Variants in GPSM1 observed in about 807,000 individuals in gnomAD.
GPSM1 encodes G protein-signaling modulator 1.
In GPSM1, 48 loss-of-function variants were observed where a neutral mutation model predicts 70.5. The ratio of observed to expected loss-of-function variants is 0.68; its 90% CI spans 0.54 to 0.87. The LOEUF (loss-of-function observed/expected upper bound fraction) is 0.87. Ranked by LOEUF, GPSM1 falls within the 40% of genes least tolerant of loss-of-function variation. The pLI is 0.00. For missense variants in GPSM1, 981 were observed against 972.6 expected (o/e 1.01, Z -0.11); for synonymous variants, 416 against 430.1 (o/e 0.97, Z 0.41).
intron 9 of GPSM1, among the ~76,000 whole-genome samples, chr9:136,346,357 C>T (rs868964917): frequency 2.7e-5 from 4 of 149,138 alleles, no homozygotes; most frequent in Non-Finnish European, 4.5e-5. Context: ...TCCCTCTGCT[C>T]CTGTCCCCTT....
chr9:136,329,093 CT>C (rs1832044852), intron 1 of GPSM1, among the ~76,000 whole-genome samples: 1 of 152,178 alleles, frequency 6.6e-6, no homozygotes, highest in Non-Finnish European at 1.5e-5. Context: ...CAGGCTACAG[CT>C]AGAAGCCTGG....
intron 11 of GPSM1, among the ~76,000 whole-genome samples, chr9:136,352,019 T>TG (rs1341465798): frequency 2.6e-5 from 4 of 151,868 alleles, no homozygotes; most frequent in Admixed American, 1.3e-4. Context: ...AGCTCTCAGT[T>TG]GGGGTCCTCA....
intron 6 of GPSM1, among the ~76,000 whole-genome samples, 162 bp from the exon 7 acceptor site, chr9:136,338,393 C>T (rs880003352): frequency 9.2e-5 from 14 of 152,202 alleles, no homozygotes; most frequent in Non-Finnish European, 1.8e-4. Flanking sequence ...CCAACAGTCC[C>T]GCTCTGTGGC....
chr9:136,332,518 C>G (rs1314359122), intron 1 of GPSM1, among the ~76,000 whole-genome samples: 1 of 152,218 alleles, frequency 6.6e-6, no homozygotes, highest in Non-Finnish European at 1.5e-5. Flanking sequence ...AAGCCCCTCT[C>G]CTCCGATGTT....
Position 136,341,428 on chromosome 9 carries a change from A to G in GPSM1, c.1207+435A>G. On this transcript the variant is annotated intron_variant, in intron 9 of 13. Coordinates refer to ENST00000440944, the MANE Select transcript of GPSM1 (RefSeq NM_001145638.3). This position sits in a 1 kb window ranked among gnomAD's most constrained non-coding sequence, Gnocchi z 6.7. ...GCCCTATGTGCCTGGGGCAGTAATCAGGCAAGGCCCAAGGCCATGCGAGGC... is the reference window on the plus strand; with the variant it reads ...GCCCTATGTGCCTGGGGCAGTAATCGGGCAAGGCCCAAGGCCATGCGAGGC... 1 of 1,410,040 alleles carries G rather than the reference A, an allele frequency of 7.1e-7. No individual in the cohort carries two copies. Among genetic ancestry groups the G allele is most frequent in the South Asian group, 1.5e-5 (1 of 65,220 alleles). The allele number at this position is 1,410,040 out of a possible 1,614,324, so 87.3% of individuals were successfully genotyped here.
chr9:136,345,241 AATG>A (rs782563818), intron 9 of GPSM1, among the ~76,000 whole-genome samples: 10 of 152,148 alleles, frequency 6.6e-5, no homozygotes, highest in Non-Finnish European at 1.5e-4. Flanking sequence ...TGAGGACAGA[AATG>A]ATGATGACAG....
intron 11 of GPSM1, chr9:136,353,053 G>C: frequency 2.1e-5 from 21 of 982,942 alleles, no homozygotes; most frequent in Non-Finnish European, 2.5e-5. Context: ...GGCACTTTGG[G>C]CAGGGCGGTG....
intron 9 of GPSM1, among the ~76,000 whole-genome samples, chr9:136,348,461 C>A (rs1158891603): frequency 6.6e-6 from 1 of 152,224 alleles, no homozygotes; most frequent in African/African-American, 2.4e-5. Context: ...CAAAGCCAGA[C>A]CCCACCTGGC....
rs1832405661 is a variant in GPSM1 at position 136,342,112 on chromosome 9, G to A, written c.1207+1119G>A. Among the ~76,000 whole-genome samples, 1 of 152,124 alleles carries A rather than the reference G, an allele frequency of 6.6e-6. No individual in the cohort carries two copies. The highest frequency in any genetic ancestry group is 1.5e-5 in the Non-Finnish European group (1 of 68,026). Reference sequence around the variant, plus strand: ...CGTGGGACAAGGTGCTGTGACCGATGGCAGTGGGTGGGTAGGGGATGGGCT... The same window carrying A: ...CGTGGGACAAGGTGCTGTGACCGATAGCAGTGGGTGGGTAGGGGATGGGCT... On this transcript the variant is annotated intron_variant, in intron 9 of 13. Coordinates refer to ENST00000440944, the MANE Select transcript of GPSM1 (RefSeq NM_001145638.3). The surrounding 1 kb of genome is among the most constrained non-coding windows in gnomAD (Gnocchi z 5.5).
At chr9:136,357,974 C>CT (rs782495646) in intron 13 of GPSM1, 40 bp from the exon 14 acceptor site, 7 of 1,535,680 alleles carry the variant, frequency 4.6e-6, no homozygotes, top group Non-Finnish European at 6.3e-6. Flanking sequence ...ACCACTGGGG[C>CT]TGGGGGGGTG....
Position 136,343,428 on chromosome 9 carries a change from G to T in GPSM1, c.1207+2435G>T, listed in dbSNP as rs570375638. Among the ~76,000 whole-genome samples, 2 of 152,340 alleles carry T rather than the reference G, an allele frequency of 1.3e-5. No homozygotes were observed. The highest frequency in any genetic ancestry group is 2.9e-5 in the Non-Finnish European group (2 of 68,026). On this transcript the variant is annotated intron_variant, in intron 9 of 13. Coordinates refer to ENST00000440944, the MANE Select transcript of GPSM1 (RefSeq NM_001145638.3). This position sits in a 1 kb window ranked among gnomAD's most constrained non-coding sequence, Gnocchi z 6.0. ...GCCCTGCCTGTCCCACAGGATGTGCGACTGCCCTCGGCCCTGCTGACCGTA... is the reference window on the plus strand; with the variant it reads ...GCCCTGCCTGTCCCACAGGATGTGCTACTGCCCTCGGCCCTGCTGACCGTA...
intron 3 of GPSM1, among the ~76,000 whole-genome samples, chr9:136,336,531 C>T (rs1554769261): frequency 2.0e-5 from 3 of 152,216 alleles, no homozygotes; most frequent in African/African-American, 7.2e-5. Flanking sequence ...TGACCTCCCT[C>T]CATGGCCCTG....
In GPSM1 at chr9:136,341,235, C is replaced by T. The variant is rs1454159352; in HGVS notation, c.1207+242C>T. Reference sequence around the variant, plus strand: ...TGCTGGATGAAGGACAGGAGGTGGTCGCCTGTTGCCCCACTGGCTGCTCCA... The same window carrying T: ...TGCTGGATGAAGGACAGGAGGTGGTTGCCTGTTGCCCCACTGGCTGCTCCA... On this transcript the variant is annotated intron_variant, in intron 9 of 13. Transcript: ENST00000440944. The surrounding 1 kb of genome is among the most constrained non-coding windows in gnomAD (Gnocchi z 6.7). 2.8e-5 allele frequency: 42 copies of T among 1,509,588 alleles called. No homozygotes were observed. Among genetic ancestry groups the T allele is most frequent in the Middle Eastern group, 2.0e-4 (1 of 4,890 alleles). The allele number at this position is 1,509,588 out of a possible 1,614,324, so 93.5% of individuals were successfully genotyped here. A position where few individuals can be genotyped will look rare whatever the true frequency, so the allele number is the denominator to read the frequency against.
At position 136,358,115 on chromosome 9, in the gene GPSM1, G is replaced by C. The variant is rs782038333; in HGVS notation, c.1923G>C (p.Gln641His). ...TCTTCAGCCTCATTCAGAGGGTGCAGGCTAAGCGCATGGACGAGCAGCGGG... is the reference window on the plus strand; with the variant it reads ...TCTTCAGCCTCATTCAGAGGGTGCACGCTAAGCGCATGGACGAGCAGCGGG... ...EDFFSLIQRV[Q>H]AKRMDEQRVD... Residue 641 changes from glutamine (Q) to histidine (H), a missense_variant, in exon 14 of 14, where the codon CAG becomes CAC. Coordinates refer to ENST00000440944, the MANE Select transcript of GPSM1 (RefSeq NM_001145638.3). 1.2e-6 allele frequency: 2 copies of C among 1,612,412 alleles called. No homozygotes were observed. The highest frequency in any genetic ancestry group is 1.7e-6 in the Non-Finnish European group (2 of 1,179,682).
intron 6 of GPSM1, among the ~76,000 whole-genome samples, chr9:136,338,308 C>T (rs1363396119): frequency 4.6e-5 from 7 of 152,210 alleles, no homozygotes; most frequent in Admixed American, 2.0e-4. Context: ...TCAGGTCCTC[C>T]GGGGAGGAGT....
rs955015245 is a variant in GPSM1 at position 136,342,770 on chromosome 9, G to C, written c.1207+1777G>C. Among the ~76,000 whole-genome samples the C allele has an allele frequency of 6.6e-6, 1 of 152,024 alleles. No individual in the cohort carries two copies. Among genetic ancestry groups the C allele is most frequent in the African/African-American group, 2.4e-5 (1 of 41,392 alleles). On this transcript the variant is annotated intron_variant, in intron 9 of 13. Transcript: ENST00000440944. The surrounding 1 kb of genome is among the most constrained non-coding windows in gnomAD (Gnocchi z 5.5). ...GATCTGCGAGCTGCGGGAGGGGAGGGGGGTGCAGAGCCGCGCTAGAGCCTG... is the reference window on the plus strand; with the variant it reads ...GATCTGCGAGCTGCGGGAGGGGAGGCGGGTGCAGAGCCGCGCTAGAGCCTG...
At chr9:136,337,816 G>T in intron 5 of GPSM1, 30 bp from the exon 6 acceptor site, 2 of 1,544,538 alleles carry the variant, frequency 1.3e-6, no homozygotes, top group South Asian at 2.2e-5. Flanking sequence ...GCTGCGCCAT[G>T]ACCACCTGGC....
At chr9:136,348,867 T>C in intron 10 of GPSM1, 100 bp downstream of exon 10, 1 of 877,588 alleles carries the variant, frequency 1.1e-6, no homozygotes. Flanking sequence ...TCAGCCCCTG[T>C]CTGCTGGGAG....
Position 136,348,690 on chromosome 9 carries a change from T to C in GPSM1, c.1208-7T>C. 6.2e-7 allele frequency: 1 copy of C among 1,608,896 alleles called. No homozygotes were observed. Among genetic ancestry groups the C allele is most frequent in the Non-Finnish European group, 8.5e-7 (1 of 1,177,598 alleles). On this transcript the variant is annotated splice_region_variant and splice_polypyrimidine_tract_variant and intron_variant, in intron 9 of 13. Coordinates refer to ENST00000440944, the MANE Select transcript of GPSM1 (RefSeq NM_001145638.3). ...GTGCTGGGCTGACCGGGTCCCTCTG[T>C]CTTCAGGGGCCAGACCCAAGAGGAC... is the stretch of plus-strand genomic sequence containing the variant.
Sources: allele counts gnomAD v4.1 joint callset (sites outside exome capture counted in the v4.1 genomes callset), GRCh38; gene constraint gnomAD v4.1.1; non-coding constraint Gnocchi (gnomAD v3.1); transcripts MANE v1.5; gene names NCBI Gene and HGNC (gene_info 2026-07-23, HGNC 2026-07-21).